The following CEACAM20 variants were observed in gnomAD, a reference collection of about 807,000 sequenced individuals.
CEACAM20 encodes the protein cell adhesion molecule CEACAM20.
Under a neutral mutation model 61.2 loss-of-function variants are expected in CEACAM20, and 50 were observed. That is an observed-to-expected ratio of 0.82 (90% CI 0.65 to 1.03). The LOEUF (loss-of-function observed/expected upper bound fraction) is 1.03. Among genes scored for constraint, CEACAM20 ranks in the 50% least tolerant of loss-of-function variants. The pLI is 0.00. For synonymous variants in CEACAM20, 282 were observed against 287.7 expected (o/e 0.98, Z 0.20); for missense variants, 683 against 736.4 (o/e 0.93, Z 0.84).
chr19:44,528,232 TTC>T, intron 1 of CEACAM20, among the ~76,000 whole-genome samples: 1 of 151,208 alleles, frequency 6.6e-6, no homozygotes, highest in Non-Finnish European at 1.5e-5. Context: ...TCTTTCTTTC[TTC>T]TTTTTCTTTT....
chr19:44,517,967 C>A (rs536604921), intron 5 of CEACAM20, among the ~76,000 whole-genome samples: 31 of 151,742 alleles, frequency 2.0e-4, no homozygotes, highest in African/African-American at 6.3e-4. Flanking sequence ...CCTGTAATTG[C>A]AGCTACTCGA....
chr19:44,520,112 C>T (rs1381208396), intron 5 of CEACAM20, among the ~76,000 whole-genome samples: 1 of 152,162 alleles, frequency 6.6e-6, no homozygotes, highest in Non-Finnish European at 1.5e-5. Flanking sequence ...TGAATAATCC[C>T]GTTAATCCCA....
At chr19:44,510,017 C>T (rs1033164762) in intron 11 of CEACAM20, among the ~76,000 whole-genome samples, 4 of 150,970 alleles carry the variant, frequency 2.6e-5, no homozygotes, top group Middle Eastern at 3.4e-3. Context: ...GAAATAAAGT[C>T]GTGGGATGGG....
chr19:44,525,127 G>A lies in CEACAM20; in HGVS notation c.170C>T (p.Thr57Ile), dbSNP rs1254335248. ...TCTGGATCTGCCATGAATCTGGGGT[G>A]TCCTGGGGGTCCCAAACACAGGCAG... ...VVLPVFGTPR[T>I]PQIHGRSREL... is the part of the protein sequence containing the mutation. The change falls in exon 2 of 12, where the codon ACA becomes ATA. Residue 57 changes from threonine to isoleucine, a missense_variant. Transcript: ENST00000614924. 1.2e-6 allele frequency: 2 copies of A among 1,611,010 alleles called. No individual in the cohort carries two copies. Among genetic ancestry groups the A allele is most frequent in the Admixed American group, 3.4e-5 (2 of 59,592 alleles).
chr19:44,523,061 A>T, intron 3 of CEACAM20, 149 bp from the exon 4 acceptor site: 1 of 701,546 alleles, frequency 1.4e-6, no homozygotes. Context: ...AGTCAGATGG[A>T]GATGAAATGT....
chr19:44,507,317 G>A (rs138355880), intron 11 of CEACAM20, among the ~76,000 whole-genome samples: 21 of 152,292 alleles, frequency 1.4e-4, no homozygotes, highest in African/African-American at 4.8e-4. Flanking sequence ...AGGTGGCTAA[G>A]TTTTTACCAG....
At chr19:44,519,656 T>C (rs1198992599) in intron 5 of CEACAM20, among the ~76,000 whole-genome samples, 1 of 152,186 alleles carries the variant, frequency 6.6e-6, no homozygotes, top group Non-Finnish European at 1.5e-5. Flanking sequence ...ATATTCAAAA[T>C]ACATCCACAG....
At chr19:44,526,767 G>A (rs1253783791) in intron 1 of CEACAM20, among the ~76,000 whole-genome samples, 1 of 151,458 alleles carries the variant, frequency 6.6e-6, no homozygotes, top group Non-Finnish European at 1.5e-5. Flanking sequence ...TCAGCTACTT[G>A]GGAGGCTGAG....
rs1281847276 is a variant in CEACAM20 at position 44,517,184 on chromosome 19, A to G, written c.1071T>C (p.Ser357=). The G allele has an allele frequency of 1.2e-6, 2 of 1,611,224 alleles. No individual in the cohort carries two copies. The highest frequency in any genetic ancestry group is 1.7e-5 in the Admixed American group (1 of 59,998). ...DQVHITRESA[S]EMISTIEAEL... ...CTGCCTCTATGGTGCTGATCATCTCAGATGCCGACTCCCTGGTGATGTGCA... is the reference window on the plus strand; with the variant it reads ...CTGCCTCTATGGTGCTGATCATCTCGGATGCCGACTCCCTGGTGATGTGCA... Residue 357 remains serine (S), a synonymous_variant, in exon 6 of 12, where the codon TCT becomes TCC. Transcript: ENST00000614924.
At chr19:44,515,218 A>ATG (rs71338718) in intron 6 of CEACAM20, among the ~76,000 whole-genome samples, 2 of 149,106 alleles carry the variant, frequency 1.3e-5, no homozygotes, top group African/African-American at 5.0e-5. Context: ...ATGCTTGACA[A>ATG]ATGATGATGA....
intron 4 of CEACAM20, 146 bp downstream of exon 4, chr19:44,522,486 CAT>C (rs1971394637): frequency 2.3e-6 from 2 of 879,450 alleles, no homozygotes; most frequent in Non-Finnish European, 3.4e-6. Flanking sequence ...ACAGCGCAAA[CAT>C]TTTTCATGCA....
intron 11 of CEACAM20, among the ~76,000 whole-genome samples, chr19:44,510,543 GGAAGGAAA>G (rs1273369913): frequency 1.2e-4 from 6 of 48,914 alleles, no homozygotes; most frequent in East Asian, 8.7e-4. Context: ...AAGGAAGGAA[GGAAGGAAA>G]GAAAGAAAGA....
In CEACAM20 at chr19:44,526,366, TG is replaced by T. The variant is rs551089188; in HGVS notation, c.53-1123del. ...TCTACCAAAAATTTTTAAAATTAGC[TG>T]GGGGTGTTGGCCCGCATCTGTAGTC... On this transcript the variant is annotated intron_variant, in intron 1 of 11. Coordinates refer to ENST00000614924, the MANE Select transcript of CEACAM20 (RefSeq NM_001102597.3). Among the ~76,000 whole-genome samples the T allele has an allele frequency of 1.4e-3, 207 of 152,024 alleles. 1 individual carries two copies. The highest frequency in any genetic ancestry group is 0.01 in the Middle Eastern group (3 of 292).
In CEACAM20 at chr19:44,520,397, GA is replaced by G. The variant is rs1288890985; in HGVS notation, c.1030+76del. 1.8e-5 allele frequency: 28 copies of G among 1,533,970 alleles called. No individual in the cohort carries two copies. The Middle Eastern group carries it at 1.2e-3, about 66-fold the overall frequency. Reference sequence around the variant, plus strand: ...AGCAGGAGCTCAATAATCATAGCATGAATGACTAGAAGGAAGAACTTAAAGA... The same window carrying G: ...AGCAGGAGCTCAATAATCATAGCATGATGACTAGAAGGAAGAACTTAAAGA... On this transcript the variant is annotated intron_variant, in intron 5 of 11. Transcript: ENST00000614924.
chr19:44,513,336 C>G (rs2123570156), intron 6 of CEACAM20, 47 bp from the exon 7 acceptor site: 7 of 1,307,068 alleles, frequency 5.4e-6, no homozygotes, highest in Non-Finnish European at 7.7e-6. Flanking sequence ...ACACCCTCAT[C>G]CCTGCTCCCA....
At chr19:44,510,237 C>G (rs911224620) in intron 11 of CEACAM20, among the ~76,000 whole-genome samples, 6 of 151,788 alleles carry the variant, frequency 4.0e-5, no homozygotes, top group Non-Finnish European at 8.8e-5. Context: ...ATGAGCCAGG[C>G]AGGGTGGCTC....
rs760705893 is a variant in CEACAM20, at chr19:44,520,539, T to C, written c.965A>G (p.Tyr322Cys). The C allele has an allele frequency of 9.9e-6, 16 of 1,613,998 alleles. 1 individual carries two copies. Among genetic ancestry groups the C allele is most frequent in the Middle Eastern group, 3.3e-4 (2 of 6,038 alleles). The stretch of plus-strand genomic sequence containing the variant: ...GCCCCAGTTCCAGACCTCACAGGCA[T>C]AGGGCCCGGTGTCATTCCGCTGGAG... Reference protein sequence around the residue: ...HGLQRNDTGPYACEVWNWGSR... With the variant: ...HGLQRNDTGPCACEVWNWGSR... The change falls in exon 5 of 12, where the codon TAT (tyrosine) becomes TGT (cysteine). Residue 322 changes from tyrosine to cysteine, a missense_variant. Coordinates refer to ENST00000614924, the MANE Select transcript of CEACAM20 (RefSeq NM_001102597.3).
chr19:44,517,907 G>A (rs868691083), intron 5 of CEACAM20, among the ~76,000 whole-genome samples: 43 of 151,344 alleles, frequency 2.8e-4, no homozygotes, highest in Middle Eastern at 6.8e-3. Context: ...GGCGAATCAC[G>A]TCTCTACTGA....
In CEACAM20 at chr19:44,520,478, G is replaced by C; in HGVS notation, c.1026C>G (p.Ile342Met). The change falls in exon 5 of 12, where the codon ATC (isoleucine) becomes ATG (methionine). Residue 342 changes from isoleucine to methionine, a missense_variant. Ile to Met is a conservative substitution (Grantham distance 10). Coordinates refer to ENST00000614924, the MANE Select transcript of CEACAM20 (RefSeq NM_001102597.3). ...TCCAGGCCCTGGGTGACTCACAGTT[G>C]ATGGTCAGCTCAAGGGGCTCACTCC... ...RARSEPLELT[I>M]NYGPDQVHIT... 1 of 1,611,938 alleles carries C rather than the reference G, an allele frequency of 6.2e-7. No homozygotes were observed.
Sources: allele counts gnomAD v4.1 joint callset (sites outside exome capture counted in the v4.1 genomes callset), GRCh38; gene constraint gnomAD v4.1.1; transcripts MANE v1.5; gene names NCBI Gene and HGNC (gene_info 2026-07-23, HGNC 2026-07-21).